The following CRADD variants were observed in gnomAD, a reference collection of about 807,000 sequenced individuals.
The protein encoded by CRADD is CARD and death domain containing adaptor protein, also known as death domain-containing protein CRADD.
Under a neutral mutation model 15.5 loss-of-function variants are expected in CRADD, and 9 were observed. The ratio of observed to expected loss-of-function variants is 0.58; its 90% CI spans 0.35 to 1.01. The LOEUF is 1.01. Ranked by LOEUF, CRADD falls within the 50% of genes least tolerant of loss-of-function variation. CRADD has a pLI of 0.02. For synonymous variants in CRADD, 118 were observed against 107.6 expected, an observed-to-expected ratio of 1.10 and a Z score of -0.60; for missense variants, 227 against 250.3, an observed-to-expected ratio of 0.91 and a Z score of 0.63.
At chr12:93,870,977 TTTTC>T (rs1958414163) in intron 2 of CRADD, among the ~76,000 whole-genome samples, 1 of 152,052 alleles carries the variant, frequency 6.6e-6, no homozygotes, top group Non-Finnish European at 1.5e-5. Flanking sequence ...AGCACAGAAG[TTTTC>T]AAACAGATGA....
At chr12:93,864,876 A>G (rs1280679236) in intron 2 of CRADD, among the ~76,000 whole-genome samples, 1 of 152,250 alleles carries the variant, frequency 6.6e-6, no homozygotes, top group Admixed American at 6.5e-5. Context: ...TGAAAGACAG[A>G]TAATCATAGA....
intron 2 of CRADD, among the ~76,000 whole-genome samples, chr12:93,788,325 A>C (rs1035574798): frequency 6.6e-6 from 1 of 152,142 alleles, no homozygotes; most frequent in African/African-American, 2.4e-5. Context: ...CACTATTACG[A>C]GAACAGGATG....
intron 2 of CRADD, among the ~76,000 whole-genome samples, chr12:93,732,319 T>C (rs1322768862): frequency 5.9e-5 from 9 of 152,168 alleles, no homozygotes; most frequent in Non-Finnish European, 8.8e-5. Flanking sequence ...CGCAGAGTTA[T>C]GAGCTCCATT....
At chr12:93,865,002 T>G (rs185190958) in intron 2 of CRADD, among the ~76,000 whole-genome samples, 6 of 152,190 alleles carry the variant, frequency 3.9e-5, no homozygotes, top group Non-Finnish European at 8.8e-5. Context: ...AACAAATGAA[T>G]GAGGGGTGCC....
At chr12:93,831,266 G>C (rs1387316759) in intron 2 of CRADD, 1 of 152,560 alleles carries the variant, frequency 6.6e-6, no homozygotes, top group African/African-American at 2.4e-5. Flanking sequence ...GACCACCCCA[G>C]GCCAGAAAAG....
intron 2 of CRADD, among the ~76,000 whole-genome samples, chr12:93,767,550 A>G (rs1957039342): frequency 6.6e-6 from 1 of 152,192 alleles, no homozygotes; most frequent in African/African-American, 2.4e-5. Flanking sequence ...TTATCACATT[A>G]ATTTTCACAG....
At chr12:93,843,911 G>A (rs377469160) in intron 2 of CRADD, among the ~76,000 whole-genome samples, 4 of 151,860 alleles carry the variant, frequency 2.6e-5, no homozygotes, top group African/African-American at 9.7e-5. Flanking sequence ...TAGTAGAGAC[G>A]AGGTTTCACC....
chr12:93,680,073 T>C (rs1264358836), intron 2 of CRADD, among the ~76,000 whole-genome samples: 1 of 152,170 alleles, frequency 6.6e-6, no homozygotes, highest in African/African-American at 2.4e-5. Flanking sequence ...CAGTTCTGGT[T>C]CTGTTAGCCT....
chr12:93,765,812 A>G (rs10745661), intron 2 of CRADD, among the ~76,000 whole-genome samples: 61,737 of 151,962 alleles, frequency 0.41, 13,530 homozygotes, highest in East Asian at 0.79. Flanking sequence ...GAAAAAAACT[A>G]AGGGAAAAAT....
At chr12:93,845,264 C>T (rs1958099815) in intron 2 of CRADD, among the ~76,000 whole-genome samples, 1 of 152,184 alleles carries the variant, frequency 6.6e-6, no homozygotes, top group Non-Finnish European at 1.5e-5. Context: ...AGAACGACAC[C>T]TGGTTCCCTA....
chr12:93,703,023 A>G (rs1406374353), intron 2 of CRADD, among the ~76,000 whole-genome samples: 1 of 152,146 alleles, frequency 6.6e-6, no homozygotes, highest in Non-Finnish European at 1.5e-5. Flanking sequence ...TTAGAACAGC[A>G]TTTTACACCT....
intron 2 of CRADD, among the ~76,000 whole-genome samples, chr12:93,817,009 C>A (rs1223972345): frequency 6.6e-6 from 1 of 152,188 alleles, no homozygotes; most frequent in Non-Finnish European, 1.5e-5. Flanking sequence ...GGGCTTAGTC[C>A]TGTAGAACTT....
At chr12:93,711,055 C>CCCTTTTTTT in intron 2 of CRADD, among the ~76,000 whole-genome samples, 4 of 43,508 alleles carry the variant, frequency 9.2e-5, no homozygotes, top group East Asian at 1.0e-3. Flanking sequence ...CCACCCCCGC[C>CCCTTTTTTT]TTTTTTTTTT....
chr12:93,760,292 T>C (rs533727313), intron 2 of CRADD, among the ~76,000 whole-genome samples: 1 of 151,994 alleles, frequency 6.6e-6, no homozygotes, highest in South Asian at 2.1e-4. Context: ...GTGGGGAGAG[T>C]GTGTGTGAGG....
At chr12:93,773,610 A>G (rs1957108179) in intron 2 of CRADD, among the ~76,000 whole-genome samples, 3 of 151,980 alleles carry the variant, frequency 2.0e-5, no homozygotes, top group African/African-American at 7.3e-5. Flanking sequence ...CTTCATGCAG[A>G]CATTCAGGGA....
At chr12:93,893,974 C>G (rs1466317107) in intron 2 of CRADD, 12 of 699,508 alleles carry the variant, frequency 1.7e-5, no homozygotes, top group Non-Finnish European at 3.1e-5. Flanking sequence ...AAATACATCT[C>G]AAAGTGCACC....
chr12:93,684,981 G>A (rs1955398837), intron 2 of CRADD, among the ~76,000 whole-genome samples: 1 of 152,182 alleles, frequency 6.6e-6, no homozygotes, highest in Non-Finnish European at 1.5e-5. Context: ...ATCTTGTGTG[G>A]CTCGTAGCAT....
rs574137475 is a variant in CRADD at position 93,718,473 on chromosome 12, A to T, written c.298+39401A>T. On this transcript the variant is annotated intron_variant, in intron 2 of 2. Transcript: ENST00000332896. ...AATTTCACTTGGTCATTGCTGGTAT[A>T]TGGGGAGGTAATTGACTTTTGTATA... Among the ~76,000 whole-genome samples, 82 of 152,278 alleles carry T rather than the reference A, an allele frequency of 5.4e-4. No individual in the cohort carries two copies. The South Asian group carries it at 0.017, about 32-fold the overall frequency.
chr12:93,854,401 G>A (rs929570328), downstream of CRADD, among the ~76,000 whole-genome samples: 1 of 152,208 alleles, frequency 6.6e-6, no homozygotes, highest in Non-Finnish European at 1.5e-5. Context: ...CAGCAAGAAG[G>A]CAAGCCGCCA....
Sources: allele counts gnomAD v4.1 joint callset (sites outside exome capture counted in the v4.1 genomes callset), GRCh38; gene constraint gnomAD v4.1.1; transcripts MANE v1.5; gene names NCBI Gene and HGNC (gene_info 2026-07-23, HGNC 2026-07-21).